The following ZMYM2 variants were observed in gnomAD, a reference collection of about 807,000 sequenced individuals.
The protein encoded by ZMYM2 is zinc finger MYM-type protein 2.
Under a neutral mutation model 162.8 loss-of-function variants are expected in ZMYM2, and 56 were observed. The observed-to-expected ratio is 0.34, with a 90% CI of 0.28 to 0.43. The LOEUF (loss-of-function observed/expected upper bound fraction) is 0.43, where lower values mean the gene tolerates loss of function less well. Among genes scored for constraint, ZMYM2 ranks in the 20% least tolerant of loss-of-function variants. The pLI, the probability that ZMYM2 is intolerant of heterozygous loss-of-function variation, is 1.00. For synonymous variants in ZMYM2, 510 were observed against 541.6 expected (o/e 0.94, Z 0.81); for missense variants, 1,275 against 1,621.8 (o/e 0.79, Z 3.67).
the ZMYM2 span, among the ~76,000 whole-genome samples, chr13:19,925,149 G>C: frequency 6.6e-6 from 1 of 152,168 alleles, no homozygotes; most frequent in Non-Finnish European, 1.5e-5. Context: ...CTCCCAAAGT[G>C]CTGGGATTAC....
the ZMYM2 span, among the ~76,000 whole-genome samples, chr13:19,893,013 G>C: frequency 6.6e-6 from 1 of 151,608 alleles, no homozygotes; most frequent in East Asian, 1.9e-4. Flanking sequence ...ATGCCTGGCC[G>C]GGAGTTATTT....
chr13:19,963,740 G>T (rs1955490476), intron 2 of ZMYM2, among the ~76,000 whole-genome samples: 1 of 152,010 alleles, frequency 6.6e-6, no homozygotes, highest in Non-Finnish European at 1.5e-5. Flanking sequence ...GCATATTTAA[G>T]ATATATTAAT....
intron 12 of ZMYM2, among the ~76,000 whole-genome samples, chr13:20,042,263 T>G (rs1449235222): frequency 6.6e-6 from 1 of 152,188 alleles, no homozygotes; most frequent in Non-Finnish European, 1.5e-5. Context: ...TTCCTTTTTA[T>G]TCTTTTTCTC....
chr13:20,033,506 TG>T (rs1953393412), intron 10 of ZMYM2, among the ~76,000 whole-genome samples: 1 of 152,200 alleles, frequency 6.6e-6, no homozygotes, highest in Non-Finnish European at 1.5e-5. Context: ...CCTTACTACT[TG>T]AGTTGATTCC....
chr13:20,045,548 T>C (rs1037056670), intron 12 of ZMYM2, among the ~76,000 whole-genome samples: 3 of 152,178 alleles, frequency 2.0e-5, no homozygotes, highest in Admixed American at 6.5e-5. Context: ...ACTCAGAAAA[T>C]GTTACTTCAT....
Position 20,005,115 on chromosome 13 carries a change from A to G in ZMYM2, c.1175A>G (p.Asp392Gly). Residue 392 changes from aspartate (D) to glycine (G), a missense_variant, in exon 5 of 25, where the codon GAT becomes GGT. Physicochemically the swap from Asp to Gly is moderately conservative, Grantham distance 94. Transcript: ENST00000610343. ...AAAGGAACCATTGTTGCTCAAGTGG[A>G]TTCAAGTGAGTCCTTCCAGGAATTC... is the stretch of plus-strand genomic sequence containing the variant. ...TMKGTIVAQV[D>G]SSESFQEFCS... The G allele has an allele frequency of 6.2e-7, 1 of 1,607,786 alleles. No homozygotes were observed. Among genetic ancestry groups the G allele is most frequent in the South Asian group, 1.1e-5 (1 of 89,764 alleles).
At chr13:19,898,919 C>A in the ZMYM2 span, among the ~76,000 whole-genome samples, 1 of 150,804 alleles carries the variant, frequency 6.6e-6, no homozygotes, top group South Asian at 2.1e-4. Context: ...GGTGACAGAG[C>A]AAGACCCCAC....
the ZMYM2 span, among the ~76,000 whole-genome samples, chr13:19,944,259 A>C: frequency 6.6e-6 from 1 of 152,156 alleles, no homozygotes; most frequent in African/African-American, 2.4e-5. Context: ...GGGGACTTCA[A>C]TTTTTAAAAG....
At chr13:19,954,440 T>A (rs1232165660), upstream of ZMYM2, among the ~76,000 whole-genome samples, 2 of 151,986 alleles carry the variant, frequency 1.3e-5, no homozygotes, top group African/African-American at 2.4e-5. Flanking sequence ...TAAGATGACA[T>A]GTTTAAGAGT....
chr13:20,001,364 C>T (rs1950371728), intron 3 of ZMYM2, among the ~76,000 whole-genome samples: 1 of 149,732 alleles, frequency 6.7e-6, no homozygotes, highest in Non-Finnish European at 1.5e-5. Context: ...TGCTCTCCAG[C>T]CTGGGCTACA....
rs1958375664 is a variant in ZMYM2 at position 20,088,155 on chromosome 13, A to AT, written c.*2144dup. ...AATTTTGATCTTGACATGATTGAGGATTTAGAGCTCTTGTCTTTGTCTTGA... is the reference window on the plus strand; with the variant it reads ...AATTTTGATCTTGACATGATTGAGGATTTTAGAGCTCTTGTCTTTGTCTTGA... On this transcript the variant is annotated 3_prime_UTR_variant, in exon 25 of 25. Transcript: ENST00000610343. The AT allele has an allele frequency of 4.9e-6, 1 of 204,856 alleles. No homozygotes were observed. Among genetic ancestry groups the AT allele is most frequent in the African/African-American group, 2.3e-5 (1 of 43,810 alleles). 12.7% of individuals were successfully genotyped at this position (204,856 alleles called of 1,614,324 possible).
chr13:19,957,268 A>G (rs766258121), upstream of ZMYM2, among the ~76,000 whole-genome samples: 4 of 152,314 alleles, frequency 2.6e-5, no homozygotes, highest in Middle Eastern at 3.4e-3. Context: ...ATGTTCATCA[A>G]TATTGTGTTG....
the ZMYM2 span, among the ~76,000 whole-genome samples, chr13:19,927,061 G>A: frequency 6.6e-6 from 1 of 152,128 alleles, no homozygotes; most frequent in South Asian, 2.1e-4. Flanking sequence ...GACAGTTCCT[G>A]TTTAAAATTT....
the ZMYM2 span, among the ~76,000 whole-genome samples, chr13:19,946,721 T>G: frequency 2.0e-5 from 3 of 152,222 alleles, no homozygotes; most frequent in Admixed American, 2.0e-4. Flanking sequence ...CAGTTAACAT[T>G]TGTGGAATGA....
chr13:19,901,965 AT>A, the ZMYM2 span, among the ~76,000 whole-genome samples: 3 of 151,716 alleles, frequency 2.0e-5, no homozygotes, highest in African/African-American at 7.3e-5. Context: ...TAACTTTAAA[AT>A]TTTTTAGATA....
the ZMYM2 span, among the ~76,000 whole-genome samples, chr13:19,947,251 G>A: frequency 2.6e-5 from 4 of 151,552 alleles, no homozygotes; most frequent in Admixed American, 2.6e-4. Context: ...TAGTAAAGAC[G>A]GGGTTTCACC....
intron 7 of ZMYM2, among the ~76,000 whole-genome samples, chr13:20,022,425 A>G (rs15639): frequency 0.17 from 25,652 of 152,016 alleles, 2,866 homozygotes; most frequent in South Asian, 0.26. Flanking sequence ...GTTTTCCATT[A>G]TTGTGTGTTA....
Position 19,971,228 on chromosome 13 carries a change from A to G in ZMYM2, c.-11+11202A>G, listed in dbSNP as rs1456681228. On this transcript the variant is annotated intron_variant, in intron 2 of 24. Coordinates refer to ENST00000610343, the MANE Select transcript of ZMYM2 (RefSeq NM_197968.4). ...CTGATTTCATTTTTAGTTTATATAT[A>G]TGTGTGTGTGTGTGTGTATATATAT... Among the ~76,000 whole-genome samples, 259 of 58,978 alleles carry G rather than the reference A, an allele frequency of 4.4e-3. 2 individuals are homozygous for G. The highest frequency in any genetic ancestry group is 0.012 in the African/African-American group (179 of 14,992). 38.7% of individuals were successfully genotyped at this position (58,978 alleles called of 152,430 possible).
chr13:19,929,619 A>G, the ZMYM2 span, among the ~76,000 whole-genome samples: 6 of 146,450 alleles, frequency 4.1e-5, no homozygotes, highest in African/African-American at 1.5e-4. Flanking sequence ...TGCACAAACC[A>G]AAATTTGGCA....
Sources: allele counts gnomAD v4.1 joint callset (sites outside exome capture counted in the v4.1 genomes callset), GRCh38; gene constraint gnomAD v4.1.1; transcripts MANE v1.5; gene names NCBI Gene and HGNC (gene_info 2026-07-23, HGNC 2026-07-21).